The following IQGAP1 variants were observed in gnomAD, a reference collection of about 807,000 sequenced individuals.
IQGAP1 encodes IQ motif containing GTPase activating protein 1.
In IQGAP1, 66 loss-of-function variants were observed where a neutral mutation model predicts 215.6. The observed-to-expected ratio is 0.31, with a 90% CI of 0.25 to 0.38. IQGAP1 has a LOEUF of 0.38. Among genes scored for constraint, IQGAP1 ranks in the 10% least tolerant of loss-of-function variants. The pLI, the probability that IQGAP1 is intolerant of heterozygous loss-of-function variation, is 1.00. For synonymous variants in IQGAP1, 772 were observed against 728.7 expected (o/e 1.06, Z -0.96); for missense variants, 1,712 against 1,997.1 (o/e 0.86, Z 2.72).
intron 2 of IQGAP1, among the ~76,000 whole-genome samples, chr15:90,422,573 A>G (rs542614906): frequency 6.9e-6 from 1 of 145,842 alleles, no homozygotes; most frequent in Admixed American, 6.9e-5. Context: ...CATGGAAAAT[A>G]TAAACATTTC....
At chr15:90,404,476 C>T (rs1964849210) in intron 2 of IQGAP1, among the ~76,000 whole-genome samples, 1 of 151,970 alleles carries the variant, frequency 6.6e-6, no homozygotes. Context: ...CGGTAGAATC[C>T]TTTGCTCATT....
intron 8 of IQGAP1, among the ~76,000 whole-genome samples, chr15:90,443,149 T>C (rs1458768262): frequency 2.6e-5 from 4 of 152,122 alleles, no homozygotes; most frequent in African/African-American, 9.7e-5. Flanking sequence ...TTTGTAGAGA[T>C]GGGGTCTCGC....
chr15:90,397,099 C>T (rs2589945), intron 2 of IQGAP1, among the ~76,000 whole-genome samples: 21,484 of 152,090 alleles, frequency 0.14, 2,400 homozygotes, highest in East Asian at 0.45. Flanking sequence ...GTGATCCACC[C>T]GCCTCGGCCC....
intron 2 of IQGAP1, among the ~76,000 whole-genome samples, chr15:90,410,967 A>G (rs1257888286): frequency 6.6e-6 from 1 of 151,960 alleles, no homozygotes; most frequent in Non-Finnish European, 1.5e-5. Flanking sequence ...TTTTTCTAGT[A>G]CTTAATCTCT....
intron 1 of IQGAP1, among the ~76,000 whole-genome samples, chr15:90,390,241 CT>C (rs1964616160): frequency 6.6e-6 from 1 of 152,214 alleles, no homozygotes; most frequent in African/African-American, 2.4e-5. Context: ...TGGAGACAGA[CT>C]CTCCAGGTTT....
In IQGAP1 at chr15:90,388,254, C is replaced by T. The variant is rs550262812; in HGVS notation, c.-88C>T. On this transcript the variant is annotated 5_prime_UTR_variant, in exon 1 of 38. Coordinates refer to ENST00000268182, the MANE Select transcript of IQGAP1 (RefSeq NM_003870.4). ...GCGGGGCCTCGGGGACCCCGGCAAG[C>T]CCGCGCACTTGGCAGGAGCTGTAGC... 2.4e-3 allele frequency: 3,570 copies of T among 1,464,220 alleles called. 13 individuals carry two copies. Among genetic ancestry groups the T allele is most frequent in the Non-Finnish European group, 2.6e-3 (2,837 of 1,073,772 alleles). 90.7% of individuals were successfully genotyped at this position (1,464,220 alleles called of 1,614,324 possible). A position where few individuals can be genotyped will look rare whatever the true frequency, so the allele number is the denominator to read the frequency against.
In IQGAP1 at chr15:90,477,661, A is replaced by G. The variant is rs760873156; in HGVS notation, c.3105-4A>G. 1.9e-6 allele frequency: 3 copies of G among 1,597,342 alleles called. No homozygotes were observed. The highest frequency in any genetic ancestry group is 1.7e-5 in the Admixed American group (1 of 59,844). On this transcript the variant is annotated splice_polypyrimidine_tract_variant and splice_region_variant and intron_variant, in intron 25 of 37. Coordinates refer to ENST00000268182, the MANE Select transcript of IQGAP1 (RefSeq NM_003870.4). ...AGTTTAAATTTTTATCTGATGTTTTATAGGTCGAAGGTAGATCAGATTCAA... is the reference window on the plus strand; with the variant it reads ...AGTTTAAATTTTTATCTGATGTTTTGTAGGTCGAAGGTAGATCAGATTCAA...
intron 13 of IQGAP1, 62 bp from the exon 14 acceptor site, chr15:90,454,366 T>C: frequency 6.2e-7 from 1 of 1,601,082 alleles, no homozygotes; most frequent in East Asian, 2.2e-5. Context: ...TAGCAATCTT[T>C]GTTCCTTGAA....
intron 2 of IQGAP1, chr15:90,392,013 A>C (rs1377883000): frequency 1.3e-5 from 2 of 152,226 alleles, no homozygotes; most frequent in Admixed American, 6.5e-5. Flanking sequence ...TACAACAAAC[A>C]TCATTGTATT....
At chr15:90,443,291 C>T (rs755482327) in intron 8 of IQGAP1, 103 bp from the exon 9 acceptor site, 33 of 692,438 alleles carry the variant, frequency 4.8e-5, no homozygotes, top group Non-Finnish European at 7.8e-5. Flanking sequence ...AAGCTACACC[C>T]ATATTCTTGG....
intron 37 of IQGAP1, among the ~76,000 whole-genome samples, chr15:90,499,256 G>GATCTGGATTTATCGCCTCC (rs897154981): frequency 6.6e-6 from 1 of 152,230 alleles, no homozygotes; most frequent in African/African-American, 2.4e-5. Context: ...ATTGCAGTCA[G>GATCTGGATTTATCGCCTCC]ATCTGGATTT....
chr15:90,493,870 C>G (rs1966238737), intron 35 of IQGAP1, among the ~76,000 whole-genome samples: 1 of 152,176 alleles, frequency 6.6e-6, no homozygotes, highest in South Asian at 2.1e-4. Context: ...GTTTCCCCTC[C>G]CCAGGGCCAG....
At chr15:90,467,693 T>C in intron 18 of IQGAP1, 101 bp downstream of exon 18, 1 of 1,237,480 alleles carries the variant, frequency 8.1e-7, no homozygotes, top group Non-Finnish European at 1.1e-6. Context: ...AGCCCTAGAC[T>C]AAAATTGAGG....
In IQGAP1 at chr15:90,447,369, T is replaced by G. The variant is rs192815023; in HGVS notation, c.914-1204T>G. Among the ~76,000 whole-genome samples the G allele has an allele frequency of 5.6e-3, 859 of 152,326 alleles. 6 individuals are homozygous for G. Among genetic ancestry groups the G allele is most frequent in the African/African-American group, 0.02 (824 of 41,582 alleles). On this transcript the variant is annotated intron_variant, in intron 9 of 37. Transcript: ENST00000268182. ...TTTTAAATAGTTCTAGTCTCCTCATTGCCCCTACTTCCCATTTTCTAGTTT... is the reference window on the plus strand; with the variant it reads ...TTTTAAATAGTTCTAGTCTCCTCATGGCCCCTACTTCCCATTTTCTAGTTT...
At chr15:90,427,497 T>A (rs979994063) in intron 3 of IQGAP1, among the ~76,000 whole-genome samples, 1 of 152,118 alleles carries the variant, frequency 6.6e-6, no homozygotes, top group Non-Finnish European at 1.5e-5. Flanking sequence ...CCCAGCACTT[T>A]GGGAGGTTGA....
intron 23 of IQGAP1, chr15:90,475,775 ATTAT>A (rs936828166): frequency 1.4e-5 from 2 of 147,856 alleles, no homozygotes; most frequent in Admixed American, 6.7e-5. Context: ...AAAAAAAAAA[ATTAT>A]TTAAGACATA....
At chr15:90,495,282 C>T (rs1196437833) in intron 36 of IQGAP1, among the ~76,000 whole-genome samples, 1 of 152,190 alleles carries the variant, frequency 6.6e-6, no homozygotes, top group Non-Finnish European at 1.5e-5. Context: ...CCCACAGGTC[C>T]TGGGCCCAGC....
chr15:90,489,347 C>CA (rs1173687551), intron 33 of IQGAP1, among the ~76,000 whole-genome samples: 1 of 152,050 alleles, frequency 6.6e-6, no homozygotes, highest in Non-Finnish European at 1.5e-5. Context: ...AGGCTGGTCT[C>CA]AAACTCTTGA....
chr15:90,497,642 C>T (rs1844830598), intron 37 of IQGAP1, among the ~76,000 whole-genome samples: 2 of 152,234 alleles, frequency 1.3e-5, no homozygotes, highest in African/African-American at 4.8e-5. Flanking sequence ...CATGCTGACA[C>T]TGCAGAATTC....
Sources: gnomAD v4.1 joint callset for allele counts (sites outside exome capture counted in the v4.1 genomes callset) on GRCh38, gnomAD v4.1.1 for gene constraint, MANE v1.5 for transcripts, NCBI Gene and HGNC (gene_info 2026-07-23, HGNC 2026-07-21) for gene names.